TAF8: variants seen among roughly 807,000 people sequenced by gnomAD.
The protein encoded by TAF8 is transcription initiation factor TFIID subunit 8.
In TAF8, 47 loss-of-function variants were observed where a neutral mutation model predicts 36.5. That is an observed-to-expected ratio of 1.29 (90% confidence interval 1.02 to 1.64). TAF8 has a LOEUF of 1.64. TAF8 is among the 40% of genes most tolerant of loss of function. The pLI is 0.00. For missense variants in TAF8, 420 were observed against 407.6 expected (o/e 1.03, Z -0.26); for synonymous variants, 175 against 159.5 (o/e 1.10, Z -0.73).
At chr6:42,077,019 G>A in intron 7 of TAF8, 81 bp from the exon 8 acceptor site, 1 of 1,490,688 alleles carries the variant, frequency 6.7e-7, no homozygotes, top group Middle Eastern at 1.8e-4. Context: ...ATTAGAGGAT[G>A]CTAATGGTCA....
At position 42,077,758 on chromosome 6, in the gene TAF8, T is replaced by C; in HGVS notation, c.*213T>C. 1 of 940,182 alleles carries C rather than the reference T, an allele frequency of 1.1e-6. No individual in the cohort carries two copies. Among genetic ancestry groups the C allele is most frequent in the Non-Finnish European group, 1.4e-6 (1 of 723,324 alleles). 58.2% of individuals were successfully genotyped at this position (940,182 alleles called of 1,614,324 possible). ...GAAGATATGAACAGAATAATGAGAA[T>C]TTTTTTTTTTATTTTGAGATGGAGT... On this transcript the variant is annotated 3_prime_UTR_variant, in exon 9 of 9. Coordinates refer to ENST00000372977, the MANE Select transcript of TAF8 (RefSeq NM_138572.3).
In TAF8 at chr6:42,071,311, C is replaced by CTT. The variant is rs70987566; in HGVS notation, c.780+2736_780+2737dup. 3.4e-3 allele frequency: 410 copies of CTT among 121,622 alleles called. 10 individuals carry two copies. The highest frequency in any genetic ancestry group is 8.5e-3 in the Middle Eastern group (2 of 236). 7.5% of individuals were successfully genotyped at this position (121,622 alleles called of 1,614,324 possible). A position where few individuals can be genotyped will look rare whatever the true frequency, so the allele number is the denominator to read the frequency against. The stretch of plus-strand genomic sequence containing the variant: ...TGAAGGTCTTATTTGCCTGGACATA[C>CTT]TTTTTTTTTTTTTTTTTTTTTTTTT... On this transcript the variant is annotated intron_variant, in intron 7 of 8. Coordinates refer to ENST00000372977, the MANE Select transcript of TAF8 (RefSeq NM_138572.3).
chr6:42,064,337 C>CTT (rs1765285767), intron 5 of TAF8, among the ~76,000 whole-genome samples: 1 of 151,988 alleles, frequency 6.6e-6, no homozygotes, highest in African/African-American at 2.4e-5. Flanking sequence ...ACTTCAACCT[C>CTT]TGTCTCCCAG....
chr6:42,051,293 C>T (rs1764771578), intron 1 of TAF8, 64 bp from the exon 2 acceptor site: 5 of 1,430,726 alleles, frequency 3.5e-6, no homozygotes, highest in Non-Finnish European at 4.7e-6. Flanking sequence ...TTGCCGTTGA[C>T]CACGTATGAA....
rs544916036 is a variant in TAF8 at position 42,051,927 on chromosome 6, C to T, written c.202+414C>T. The T allele has an allele frequency of 3.2e-5, 5 of 157,942 alleles. No homozygotes were observed. In the South Asian group the frequency reaches 8.2e-4, roughly 26 times the overall value. The allele number at this position is 157,942 out of a possible 1,614,324, so 9.8% of individuals were successfully genotyped here. ...GTTACAGTGAACTGAGATCGCACCA[C>T]TGCACTCCAGCCTGTGAGGCTCCAT... On this transcript the variant is annotated intron_variant, in intron 2 of 8. Coordinates refer to ENST00000372977, the MANE Select transcript of TAF8 (RefSeq NM_138572.3).
rs1348943268 is a variant in TAF8 at position 42,057,087 on chromosome 6, A to C, written c.365-302A>C. 2.0e-5 allele frequency among the ~76,000 whole-genome samples: 3 copies of C among 152,304 alleles called. No homozygotes were observed. In the East Asian group the frequency reaches 5.8e-4, roughly 29 times the overall value. On this transcript the variant is annotated intron_variant, in intron 4 of 8. Coordinates refer to ENST00000372977, the MANE Select transcript of TAF8 (RefSeq NM_138572.3). ...TCTCTGAAAAGAGAACCAGCAGCCC[A>C]TGTAACCTGCGTAGCTCCTCAGCAT...
At chr6:42,061,864 T>C (rs1372448496) in intron 5 of TAF8, among the ~76,000 whole-genome samples, 1 of 151,974 alleles carries the variant, frequency 6.6e-6, no homozygotes, top group Non-Finnish European at 1.5e-5. Context: ...TATCAAAGGT[T>C]TAAAACACTG....
chr6:42,080,107 CAG>C lies in TAF8; in HGVS notation c.*2563_*2564del, dbSNP rs537620633. On this transcript the variant is annotated 3_prime_UTR_variant, in exon 9 of 9. Coordinates refer to ENST00000372977, the MANE Select transcript of TAF8 (RefSeq NM_138572.3). Reference sequence around the variant, plus strand: ...GTTAGACTGGCCTATGTGGCCTTCTCAGGGTTTGTGATTCAGTTCTTAGCGAT... The same window carrying C: ...GTTAGACTGGCCTATGTGGCCTTCTCGGTTTGTGATTCAGTTCTTAGCGAT... 7.8e-5 allele frequency: 77 copies of C among 985,400 alleles called. No homozygotes were observed. In the African/African-American group the frequency reaches 1.3e-3, roughly 16 times the overall value. The allele number at this position is 985,400 out of a possible 1,614,324, so 61.0% of individuals were successfully genotyped here. A position where few individuals can be genotyped will look rare whatever the true frequency, so the allele number is the denominator to read the frequency against.
Position 42,080,666 on chromosome 6 carries a change from C to T in TAF8, c.*3121C>T, listed in dbSNP as rs1016755110. 125 of 984,338 alleles carry T rather than the reference C, an allele frequency of 1.3e-4. 2 individuals carry two copies. In the African/African-American group the frequency reaches 1.7e-3, roughly 14 times the overall value. 61.0% of individuals were successfully genotyped at this position (984,338 alleles called of 1,614,324 possible). A position where few individuals can be genotyped will look rare whatever the true frequency, so the allele number is the denominator to read the frequency against. ...GGGTGGGATTACAGGCATGAGCCACCGCGCCTGGCCTCAGAGGCTATACTC... is the reference window on the plus strand; with the variant it reads ...GGGTGGGATTACAGGCATGAGCCACTGCGCCTGGCCTCAGAGGCTATACTC... On this transcript the variant is annotated 3_prime_UTR_variant, in exon 9 of 9. Transcript: ENST00000372977.
In TAF8 at chr6:42,057,568, A is replaced by G. The variant is rs756915019; in HGVS notation, c.489+55A>G. 5 of 1,601,058 alleles carry G rather than the reference A, an allele frequency of 3.1e-6. No individual in the cohort carries two copies. The South Asian group carries it at 3.3e-5, about 11-fold the overall frequency. ...GGTGTAAAGCACGGAGTCAGTTCCTACTGACTGTCACGTGGCAGAGTCCAG... is the reference window on the plus strand; with the variant it reads ...GGTGTAAAGCACGGAGTCAGTTCCTGCTGACTGTCACGTGGCAGAGTCCAG... On this transcript the variant is annotated intron_variant, in intron 5 of 8. Transcript: ENST00000372977.
chr6:42,084,611 T>G (rs1322518291), downstream of TAF8, among the ~76,000 whole-genome samples: 1 of 115,184 alleles, frequency 8.7e-6, no homozygotes, highest in Admixed American at 9.9e-5. Flanking sequence ...TACAGGCACA[T>G]GCCACCGCAC....
At chr6:42,071,800 T>G (rs1274210015) in intron 7 of TAF8, among the ~76,000 whole-genome samples, 1 of 152,138 alleles carries the variant, frequency 6.6e-6, no homozygotes, top group African/African-American at 2.4e-5. Flanking sequence ...GAAAGAGGAA[T>G]CATGTAAACA....
At position 42,077,250 on chromosome 6, in the gene TAF8, G is replaced by A; in HGVS notation, c.920+11G>A. ...GATCCGCAGGAAGAAGTGAGTTGGAGGCTGGGGTCCAGAGAGCCTTCACTG... is the reference window on the plus strand; with the variant it reads ...GATCCGCAGGAAGAAGTGAGTTGGAAGCTGGGGTCCAGAGAGCCTTCACTG... On this transcript the variant is annotated intron_variant, in intron 8 of 8. Coordinates refer to ENST00000372977, the MANE Select transcript of TAF8 (RefSeq NM_138572.3). The A allele has an allele frequency of 6.2e-7, 1 of 1,610,390 alleles. No individual in the cohort carries two copies. Among genetic ancestry groups the A allele is most frequent in the Non-Finnish European group, 8.5e-7 (1 of 1,177,286 alleles).
intron 6 of TAF8, among the ~76,000 whole-genome samples, chr6:42,068,104 T>C (rs867926185): frequency 3.3e-5 from 5 of 152,204 alleles, no homozygotes; most frequent in African/African-American, 1.2e-4. Context: ...TCAAAACTTA[T>C]GTGTTGCTAG....
At chr6:42,068,308 G>GT (rs1181800498) in intron 6 of TAF8, among the ~76,000 whole-genome samples, 157 bp from the exon 7 acceptor site, 1 of 152,178 alleles carries the variant, frequency 6.6e-6, no homozygotes, top group Non-Finnish European at 1.5e-5. Context: ...AGTAAAGCCC[G>GT]TAGAACATTG....
intron 4 of TAF8, among the ~76,000 whole-genome samples, chr6:42,056,840 G>A (rs1375622262): frequency 2.6e-5 from 4 of 152,040 alleles, no homozygotes; most frequent in African/African-American, 9.7e-5. Flanking sequence ...TCCTGACCTC[G>A]AGTGATCCGC....
At chr6:42,062,220 A>G (rs2127455092) in intron 5 of TAF8, among the ~76,000 whole-genome samples, 1 of 152,292 alleles carries the variant, frequency 6.6e-6, no homozygotes, top group South Asian at 2.1e-4. Flanking sequence ...ATCTCTACCC[A>G]GTTTTAATTA....
chr6:42,051,613 T>C, intron 2 of TAF8, 100 bp downstream of exon 2: 1 of 1,433,578 alleles, frequency 7.0e-7, no homozygotes, highest in South Asian at 1.4e-5. Flanking sequence ...ACAAACTTTT[T>C]TCTTAAGAGG....
rs1200259969 is a variant in TAF8, at chr6:42,051,212, G to A, written c.46-145G>A. Reference sequence around the variant, plus strand: ...TTGGGTGCTCAATTTTTACTCAGTTGGCCAAGATCTGTAAATCTAAACATT... The same window carrying A: ...TTGGGTGCTCAATTTTTACTCAGTTAGCCAAGATCTGTAAATCTAAACATT... On this transcript the variant is annotated intron_variant, in intron 1 of 8. Transcript: ENST00000372977. 3.9e-6 allele frequency: 5 copies of A among 1,280,628 alleles called. No individual in the cohort carries two copies. The Admixed American group carries it at 1.3e-4, about 33-fold the overall frequency. The allele number at this position is 1,280,628 out of a possible 1,614,324, so 79.3% of individuals were successfully genotyped here.
Sources: gnomAD v4.1 joint callset for allele counts (sites outside exome capture counted in the v4.1 genomes callset) on GRCh38, gnomAD v4.1.1 for gene constraint, MANE v1.5 for transcripts, NCBI Gene and HGNC (gene_info 2026-07-23, HGNC 2026-07-21) for gene names.